The following COP1 variants were observed in gnomAD, a reference collection of about 807,000 sequenced individuals.
The protein encoded by COP1 is COP1 E3 ubiquitin ligase.
Under a neutral mutation model 101.3 loss-of-function variants are expected in COP1, and 24 were observed. The ratio of observed to expected loss-of-function variants is 0.24; its 90% CI spans 0.17 to 0.33. The LOEUF (loss-of-function observed/expected upper bound fraction) is 0.33, where lower values mean the gene tolerates loss of function less well. Among genes scored for constraint, COP1 ranks in the 10% least tolerant of loss-of-function variants. The pLI, the probability that COP1 is intolerant of heterozygous loss-of-function variation, is 1.00. For synonymous variants in COP1, 347 were observed against 341.9 expected, an observed-to-expected ratio of 1.01 and a Z score of -0.17; for missense variants, 663 against 906.2, an observed-to-expected ratio of 0.73 and a Z score of 3.45.
chr1:176,119,798 G>A (rs943577119), intron 8 of COP1, among the ~76,000 whole-genome samples: 7 of 151,886 alleles, frequency 4.6e-5, no homozygotes, highest in South Asian at 2.1e-4. Flanking sequence ...ATTTACTGAC[G>A]GTTTACTATG....
chr1:175,988,887 A>T (rs1657758325), intron 16 of COP1: 1 of 157,560 alleles, frequency 6.3e-6, no homozygotes, highest in African/African-American at 2.4e-5. Context: ...AATCACAGAT[A>T]AATGACCATG....
intron 13 of COP1, 146 bp downstream of exon 13, chr1:176,043,564 C>A (rs1300535584): frequency 3.2e-6 from 2 of 617,290 alleles, no homozygotes; most frequent in Middle Eastern, 4.5e-4. Context: ...GAAAAAAAAG[C>A]ATTTGGTATT....
intron 1 of COP1, among the ~76,000 whole-genome samples, chr1:176,203,113 G>A (rs1304102211): frequency 2.6e-5 from 4 of 151,772 alleles, no homozygotes; most frequent in African/African-American, 9.7e-5. Flanking sequence ...AGAGGCGGGC[G>A]GATCATGAGG....
chr1:176,088,824 C>T (rs960930069), intron 9 of COP1, among the ~76,000 whole-genome samples: 4 of 151,442 alleles, frequency 2.6e-5, no homozygotes, highest in Admixed American at 6.6e-5. Context: ...GGAGAAACCC[C>T]GTCTGTACTA....
At chr1:176,201,639 G>T (rs1357802445) in intron 1 of COP1, among the ~76,000 whole-genome samples, 6 of 152,246 alleles carry the variant, frequency 3.9e-5, no homozygotes, top group Admixed American at 1.3e-4. Context: ...ACAATTCCAA[G>T]TTAATAGTCT....
At chr1:176,124,370 AT>A (rs61307325) in intron 8 of COP1, among the ~76,000 whole-genome samples, 8,601 of 146,748 alleles carry the variant, frequency 0.059, 580 homozygotes, top group African/African-American at 0.15. Flanking sequence ...ATTTTAATTA[AT>A]TTTTTTTTTT....
chr1:176,006,387 C>G lies in COP1; in HGVS notation c.1730-16908G>C, dbSNP rs368490690. Among the ~76,000 whole-genome samples, 21 of 152,242 alleles carry G rather than the reference C, an allele frequency of 1.4e-4. 1 individual carries two copies. The East Asian group carries it at 3.7e-3, about 27-fold the overall frequency. On this transcript the variant is annotated intron_variant, in intron 15 of 19. Coordinates refer to ENST00000367669, the MANE Select transcript of COP1 (RefSeq NM_022457.7). The stretch of plus-strand genomic sequence containing the variant: ...TTGTTATGTGTGAATTTGATCCTGT[C>G]ATTATGATGTTAGCTGGTTATTTTG...
chr1:176,106,811 C>T (rs1684398220), intron 9 of COP1, among the ~76,000 whole-genome samples: 1 of 152,152 alleles, frequency 6.6e-6, no homozygotes. Flanking sequence ...ATTCCTCTGT[C>T]TTGATAAATT....
intron 18 of COP1, among the ~76,000 whole-genome samples, chr1:175,958,879 A>G (rs1217681351): frequency 6.6e-6 from 1 of 152,018 alleles, no homozygotes; most frequent in East Asian, 1.9e-4. Context: ...CTACGAGTTC[A>G]GCCAATATTC....
At chr1:176,016,552 TCTC>T (rs150112608) in intron 15 of COP1, among the ~76,000 whole-genome samples, 8 of 152,222 alleles carry the variant, frequency 5.3e-5, no homozygotes, top group East Asian at 3.9e-4. Flanking sequence ...AGCTCTTTCT[TCTC>T]CTTCTCTGTC....
rs1663726727 is a variant in COP1, at chr1:176,007,869, C to T, written c.1730-18390G>A. Among the ~76,000 whole-genome samples, 3 of 152,260 alleles carry T rather than the reference C, an allele frequency of 2.0e-5. No individual in the cohort carries two copies. The South Asian group carries it at 6.2e-4, about 31-fold the overall frequency. On this transcript the variant is annotated intron_variant, in intron 15 of 19. Coordinates refer to ENST00000367669, the MANE Select transcript of COP1 (RefSeq NM_022457.7). Reference sequence around the variant, plus strand: ...GGCCTCCTTCAGCTGTGGTGGGCTCCACCCAGTTCCAGCTTCCTGGCTGCT... The same window carrying T: ...GGCCTCCTTCAGCTGTGGTGGGCTCTACCCAGTTCCAGCTTCCTGGCTGCT...
chr1:176,007,203 T>G (rs1026380183), intron 15 of COP1, among the ~76,000 whole-genome samples: 1 of 152,176 alleles, frequency 6.6e-6, no homozygotes, highest in Non-Finnish European at 1.5e-5. Flanking sequence ...ATCAGCTCCT[T>G]TAAGCACTTC....
intron 9 of COP1, among the ~76,000 whole-genome samples, chr1:176,091,634 G>T (rs1188195842): frequency 2.0e-5 from 3 of 152,064 alleles, no homozygotes; most frequent in African/African-American, 7.2e-5. Context: ...AAGATACTCT[G>T]CTTAGATGAT....
intron 9 of COP1, among the ~76,000 whole-genome samples, chr1:176,100,559 G>A (rs1683232470): frequency 6.6e-6 from 1 of 151,990 alleles, no homozygotes; most frequent in South Asian, 2.1e-4. Context: ...CTGCAGCTCA[G>A]AAAAAAACAA....
intron 18 of COP1, among the ~76,000 whole-genome samples, chr1:175,950,303 A>G (rs1193807043): frequency 6.6e-6 from 1 of 152,194 alleles, no homozygotes; most frequent in Admixed American, 6.5e-5. Flanking sequence ...TAATGGCTTC[A>G]TATCTCAGTA....
At chr1:176,166,842 T>C (rs1695226797) in intron 3 of COP1, among the ~76,000 whole-genome samples, 2 of 152,028 alleles carry the variant, frequency 1.3e-5, no homozygotes. Flanking sequence ...GAGGCCTAGG[T>C]GGTAGGACTG....
In COP1 at chr1:176,088,087, C is replaced by T. The variant is rs147163608; in HGVS notation, c.1027-2197G>A. Among the ~76,000 whole-genome samples, 1,369 of 152,172 alleles carry T rather than the reference C, an allele frequency of 9.0e-3. 20 individuals are homozygous for T. Among genetic ancestry groups the T allele is most frequent in the African/African-American group, 0.029 (1,195 of 41,502 alleles). ...CTTGGACACAGGAAGGGGAACATCACACACCAGGGTCTGTCATGGGGTGGG... is the reference window on the plus strand; with the variant it reads ...CTTGGACACAGGAAGGGGAACATCATACACCAGGGTCTGTCATGGGGTGGG... On this transcript the variant is annotated intron_variant, in intron 9 of 19. Transcript: ENST00000367669.
chr1:175,979,887 C>T (rs907827624), intron 18 of COP1, among the ~76,000 whole-genome samples: 1 of 151,982 alleles, frequency 6.6e-6, no homozygotes, highest in Non-Finnish European at 1.5e-5. Context: ...AAGATAAAGG[C>T]CAAGCTTGAA....
At chr1:176,009,886 G>GT (rs952226936) in intron 15 of COP1, among the ~76,000 whole-genome samples, 4 of 139,624 alleles carry the variant, frequency 2.9e-5, no homozygotes, top group East Asian at 2.2e-4. Flanking sequence ...TTGGGGGGGG[G>GT]GGGTCCGCAA....
Sources: gnomAD v4.1 joint callset for allele counts (sites outside exome capture counted in the v4.1 genomes callset) on GRCh38, gnomAD v4.1.1 for gene constraint, MANE v1.5 for transcripts, NCBI Gene and HGNC (gene_info 2026-07-23, HGNC 2026-07-21) for gene names.